The following MGLL variants were observed in gnomAD, a reference collection of about 807,000 sequenced individuals.
MGLL encodes the protein monoglyceride lipase.
MGLL carries 7 observed loss-of-function variants against 29.1 expected under a neutral mutation model. The ratio of observed to expected loss-of-function variants is 0.24; its 90% CI spans 0.14 to 0.45. The LOEUF is 0.45. Among genes scored for constraint, MGLL ranks in the 20% least tolerant of loss-of-function variants. MGLL has a pLI of 0.99. For synonymous variants in MGLL, 148 were observed against 168.3 expected (o/e 0.88, Z 0.93); for missense variants, 356 against 413.6 (o/e 0.86, Z 1.21).
chr3:127,811,598 G>T lies in MGLL; in HGVS notation c.155+10096C>A, dbSNP rs112820582. On this transcript the variant is annotated intron_variant, in intron 2 of 7. Coordinates refer to ENST00000265052, the MANE Select transcript of MGLL (RefSeq NM_007283.7). ...GGACATGCCTTCACATACTGCCTCT[G>T]GGCTGGCCTCCTGATGTGCTTTGGC... 3.1e-3 allele frequency among the ~76,000 whole-genome samples: 469 copies of T among 152,298 alleles called. 3 individuals are homozygous for T. The highest frequency in any genetic ancestry group is 0.01 in the African/African-American group (432 of 41,566).
At chr3:127,791,051 A>C (rs1559972705) in intron 2 of MGLL, 1 of 152,210 alleles carries the variant, frequency 6.6e-6, no homozygotes, top group Non-Finnish European at 1.5e-5. Flanking sequence ...GCCTGCCCAA[A>C]GTGCATGCTT....
intron 3 of MGLL, among the ~76,000 whole-genome samples, chr3:127,736,882 A>T (rs2076251565): frequency 6.6e-6 from 1 of 152,078 alleles, no homozygotes; most frequent in African/African-American, 2.4e-5. Context: ...TTTTGTAGAG[A>T]CAGGGTTTCA....
chr3:127,814,216 G>A (rs535914337), intron 2 of MGLL, among the ~76,000 whole-genome samples: 1 of 152,270 alleles, frequency 6.6e-6, no homozygotes, highest in East Asian at 1.9e-4. Context: ...TGGACACAAA[G>A]GTCAACTTGG....
In MGLL at chr3:127,761,795, T is replaced by A. The variant is rs1286680994; in HGVS notation, c.262+19994A>T. Among the ~76,000 whole-genome samples, 3 of 152,162 alleles carry A rather than the reference T, an allele frequency of 2.0e-5. No homozygotes were observed. Among genetic ancestry groups the A allele is most frequent in the Non-Finnish European group, 4.4e-5 (3 of 68,034 alleles). On this transcript the variant is annotated intron_variant, in intron 3 of 7. Transcript: ENST00000265052. The surrounding 1 kb of genome is among the most constrained non-coding windows in gnomAD (Gnocchi z 4.6). Reference sequence around the variant, plus strand: ...GGACCCCAGCTCTTCAGGGAGGGACTCCAGGCAGAGCTTCATTCTCAAATG... The same window carrying A: ...GGACCCCAGCTCTTCAGGGAGGGACACCAGGCAGAGCTTCATTCTCAAATG...
chr3:127,811,693 T>C (rs1205550808), intron 2 of MGLL, among the ~76,000 whole-genome samples: 2 of 152,230 alleles, frequency 1.3e-5, no homozygotes, highest in Non-Finnish European at 2.9e-5. Context: ...TCTGTTCTCA[T>C]TGCTCTTGAA....
chr3:127,821,935 T>A (rs1193576556), intron 1 of MGLL, 97 bp from the exon 2 acceptor site: 2 of 1,374,764 alleles, frequency 1.5e-6, no homozygotes, highest in South Asian at 1.4e-5. Flanking sequence ...AACATTTTTT[T>A]AAAAGCAGTT....
chr3:127,821,893 G>A (rs1303162093), intron 1 of MGLL, 55 bp from the exon 2 acceptor site: 4 of 1,561,798 alleles, frequency 2.6e-6, no homozygotes, highest in Admixed American at 3.6e-5. Flanking sequence ...AACATGTATG[G>A]ATAGGAGAGA....
At chr3:127,813,843 T>A (rs2077706855) in intron 2 of MGLL, among the ~76,000 whole-genome samples, 2 of 152,258 alleles carry the variant, frequency 1.3e-5, no homozygotes, top group South Asian at 4.2e-4. Flanking sequence ...AAACTATCCA[T>A]GAACCTCCTG....
At chr3:127,808,953 A>G (rs2077613592) in intron 2 of MGLL, among the ~76,000 whole-genome samples, 2 of 152,234 alleles carry the variant, frequency 1.3e-5, no homozygotes, top group Admixed American at 1.3e-4. Context: ...TGGTTGAGAC[A>G]CATCGGTGTG....
rs559140766 is a variant in MGLL, at chr3:127,738,730, G to A, written c.263-16164C>T. ...GAGTGAGCACTCCTGAGTACCAAGC[G>A]GCAGGGTGGTGTGAGGGGCTTCTGC... On this transcript the variant is annotated intron_variant, in intron 3 of 7. Transcript: ENST00000265052. Among the ~76,000 whole-genome samples the A allele has an allele frequency of 7.0e-4, 107 of 152,310 alleles. 1 individual carries two copies. Among genetic ancestry groups the A allele is most frequent in the Non-Finnish European group, 1.1e-3 (75 of 68,032 alleles).
At chr3:127,775,503 C>T (rs2107700693) in intron 3 of MGLL, among the ~76,000 whole-genome samples, 1 of 151,974 alleles carries the variant, frequency 6.6e-6, no homozygotes, top group South Asian at 2.1e-4. Flanking sequence ...TGGATAGGAC[C>T]CACCCGCCAA....
intron 3 of MGLL, among the ~76,000 whole-genome samples, chr3:127,763,869 G>A (rs762971655): frequency 3.9e-5 from 6 of 152,156 alleles, no homozygotes; most frequent in Non-Finnish European, 7.3e-5. Context: ...TACTGATGTC[G>A]CCGTAGTCAT....
At chr3:127,692,885 C>G (rs1475107770) in intron 7 of MGLL, among the ~76,000 whole-genome samples, 1 of 152,228 alleles carries the variant, frequency 6.6e-6, no homozygotes, top group Non-Finnish European at 1.5e-5. Context: ...CCTTCTCAGT[C>G]CAGGCTCACC....
At chr3:127,767,169 T>TCTCACCAA (rs2076873543) in intron 3 of MGLL, among the ~76,000 whole-genome samples, 1 of 7,768 alleles carries the variant, frequency 1.3e-4, no homozygotes. Context: ...TCACCATCAC[T>TCTCACCAA]CATTACCATC....
intron 3 of MGLL, among the ~76,000 whole-genome samples, chr3:127,730,974 G>A (rs1471987343): frequency 5.3e-5 from 8 of 152,206 alleles, no homozygotes; most frequent in African/African-American, 1.2e-4. Flanking sequence ...TTCCTGGCAC[G>A]GGCCTGGCAG....
intron 5 of MGLL, among the ~76,000 whole-genome samples, chr3:127,716,167 C>T (rs371480060): frequency 2.0e-5 from 3 of 152,250 alleles, no homozygotes; most frequent in South Asian, 2.1e-4. Context: ...ACCCCAACCC[C>T]GGAAGGGACA....
At chr3:127,747,780 C>T (rs2076476109) in intron 3 of MGLL, among the ~76,000 whole-genome samples, 1 of 152,174 alleles carries the variant, frequency 6.6e-6, no homozygotes, top group African/African-American at 2.4e-5. Context: ...CTGCTGTCTC[C>T]AAGGTGACGC....
intron 3 of MGLL, among the ~76,000 whole-genome samples, chr3:127,769,080 G>A (rs528506693): frequency 1.4e-4 from 21 of 152,300 alleles, no homozygotes; most frequent in East Asian, 9.6e-4. Flanking sequence ...GGCCAGGAGC[G>A]GTGGCTTATG....
chr3:127,779,887 T>C (rs1161738196), intron 3 of MGLL, among the ~76,000 whole-genome samples: 2 of 152,210 alleles, frequency 1.3e-5, no homozygotes, highest in Non-Finnish European at 2.9e-5. Context: ...GCAGCCCACT[T>C]ACTTGGCTTC....
Sources: allele counts gnomAD v4.1 joint callset (sites outside exome capture counted in the v4.1 genomes callset), GRCh38; gene constraint gnomAD v4.1.1; non-coding constraint Gnocchi (gnomAD v3.1); transcripts MANE v1.5; gene names NCBI Gene and HGNC (gene_info 2026-07-23, HGNC 2026-07-21).